MAN1A1: variants seen among roughly 807,000 people sequenced by gnomAD.
MAN1A1 encodes mannosyl-oligosaccharide 1,2-alpha-mannosidase IA.
A neutral mutation model predicts 70.8 loss-of-function variants in MAN1A1; 29 were observed. The observed-to-expected ratio is 0.41, with a 90% CI of 0.31 to 0.56. The LOEUF (loss-of-function observed/expected upper bound fraction) is 0.56. MAN1A1 is among the 20% of genes least tolerant of loss of function. The pLI is 0.29. For synonymous variants in MAN1A1, 349 were observed against 330.1 expected, an observed-to-expected ratio of 1.06 and a Z score of -0.62; for missense variants, 747 against 841.3, an observed-to-expected ratio of 0.89 and a Z score of 1.39.
At chr6:119,229,544 T>C (rs895643954) in intron 6 of MAN1A1, among the ~76,000 whole-genome samples, 2 of 152,234 alleles carry the variant, frequency 1.3e-5, no homozygotes, top group African/African-American at 4.8e-5. Context: ...CTTAAATATG[T>C]AGGTATATAT....
chr6:119,311,402 AG>A (rs1772696574), intron 2 of MAN1A1, among the ~76,000 whole-genome samples: 1 of 152,228 alleles, frequency 6.6e-6, no homozygotes, highest in African/African-American at 2.4e-5. Context: ...CAAAAGATGG[AG>A]GAAGAAAGGA....
chr6:119,275,601 C>G (rs954056569), intron 5 of MAN1A1, among the ~76,000 whole-genome samples: 1 of 151,396 alleles, frequency 6.6e-6, no homozygotes, highest in African/African-American at 2.4e-5. Context: ...CCACCGCGCC[C>G]GGCCTAATTT....
chr6:119,217,291 T>C (rs991770935), intron 6 of MAN1A1, among the ~76,000 whole-genome samples: 1 of 152,140 alleles, frequency 6.6e-6, no homozygotes, highest in Non-Finnish European at 1.5e-5. Flanking sequence ...TTTTGTTTTG[T>C]TTTGTTTTTT....
At chr6:119,274,438 T>C (rs944802407) in intron 5 of MAN1A1, among the ~76,000 whole-genome samples, 1 of 152,210 alleles carries the variant, frequency 6.6e-6, no homozygotes, top group Non-Finnish European at 1.5e-5. Context: ...AGCATACCAA[T>C]TGTATTGGTA....
intron 2 of MAN1A1, among the ~76,000 whole-genome samples, chr6:119,342,105 G>A (rs1168861479): frequency 6.6e-6 from 1 of 152,158 alleles, no homozygotes; most frequent in Non-Finnish European, 1.5e-5. Context: ...AGAAGCTGAA[G>A]ATGTATATGC....
chr6:119,347,216 T>C (rs188924908), intron 2 of MAN1A1, among the ~76,000 whole-genome samples: 133 of 152,272 alleles, frequency 8.7e-4, no homozygotes, highest in African/African-American at 3.1e-3. Flanking sequence ...GATCTTATAA[T>C]ACAAAGTCAC....
chr6:119,312,313 G>T (rs1772732407), intron 2 of MAN1A1, among the ~76,000 whole-genome samples: 1 of 152,186 alleles, frequency 6.6e-6, no homozygotes, highest in Admixed American at 6.5e-5. Flanking sequence ...TTACTTGGCT[G>T]TCATATAAAA....
At chr6:119,261,017 T>C (rs981885726) in intron 5 of MAN1A1, among the ~76,000 whole-genome samples, 2 of 135,974 alleles carry the variant, frequency 1.5e-5, no homozygotes, top group African/African-American at 5.5e-5. Context: ...CTCGCTCTGT[T>C]GCCCAGGCTG....
intron 2 of MAN1A1, among the ~76,000 whole-genome samples, chr6:119,333,274 A>G (rs1435603939): frequency 6.6e-6 from 1 of 152,246 alleles, no homozygotes; most frequent in African/African-American, 2.4e-5. Flanking sequence ...TCTAAAAGGT[A>G]GGAGTGAGTG....
intron 4 of MAN1A1, among the ~76,000 whole-genome samples, chr6:119,299,170 T>C (rs1582782436): frequency 1.3e-5 from 2 of 152,228 alleles, no homozygotes; most frequent in Middle Eastern, 3.4e-3. Flanking sequence ...CAAATTCTAA[T>C]GTGACATATT....
intron 2 of MAN1A1, among the ~76,000 whole-genome samples, chr6:119,341,132 T>A (rs1482907629): frequency 1.3e-5 from 2 of 152,248 alleles, no homozygotes; most frequent in Non-Finnish European, 2.9e-5. Flanking sequence ...TTAAATGCTC[T>A]TAAGCCTTAA....
chr6:119,348,565 CGG>C lies in MAN1A1; in HGVS notation c.499_500del (p.Pro167ValfsTer42). The C allele has an allele frequency of 6.2e-7, 1 of 1,613,750 alleles. No individual in the cohort carries two copies. Among genetic ancestry groups the C allele is most frequent in the East Asian group, 2.2e-5 (1 of 44,812 alleles). On this transcript the variant is annotated frameshift_variant, in exon 2 of 13. Coordinates refer to ENST00000368468, the MANE Select transcript of MAN1A1 (RefSeq NM_005907.4). LOFTEE classifies it high-confidence loss of function. The part of the protein sequence containing the change: ...VAQDQLRDKA[P>X]FRGLPPVDFV... ...AGTCCACCGGGGGCAGGCCTCTGAA[CGG>C]CGCCTTGTCACGCAGCTGGTCCTGG...
intron 2 of MAN1A1, among the ~76,000 whole-genome samples, chr6:119,317,196 C>T (rs995809952): frequency 3.9e-5 from 6 of 151,974 alleles, no homozygotes; most frequent in Non-Finnish European, 5.9e-5. Context: ...ACATTACGCA[C>T]GAGAATCGTA....
At chr6:119,231,858 T>G (rs1774686254) in intron 6 of MAN1A1, among the ~76,000 whole-genome samples, 1 of 152,246 alleles carries the variant, frequency 6.6e-6, no homozygotes, top group African/African-American at 2.4e-5. Flanking sequence ...TCAGGTTCTA[T>G]AATCCTAGCT....
rs548432519 is a variant in MAN1A1, at chr6:119,348,608, T to G, written c.458A>C (p.Glu153Ala). 1.4e-5 allele frequency: 22 copies of G among 1,613,822 alleles called. No individual in the cohort carries two copies. Among genetic ancestry groups the G allele is most frequent in the Non-Finnish European group, 1.6e-5 (19 of 1,179,930 alleles). ...PEEIQRDILLEKKKVAQDQLR... is the reference protein window; with the variant it reads ...PEEIQRDILLAKKKVAQDQLR... ...CTGGTCCTGGGCCACCTTCTTCTTC[T>G]CCAGTAGGATGTCTCTTTGGATCTC... The change falls in exon 2 of 13, where the codon GAG (glutamate) becomes GCG (alanine). Residue 153 changes from glutamate (E) to alanine (A), a missense_variant. Transcript: ENST00000368468.
chr6:119,318,842 G>A (rs533212247), intron 2 of MAN1A1, among the ~76,000 whole-genome samples: 3 of 152,146 alleles, frequency 2.0e-5, no homozygotes, highest in South Asian at 2.1e-4. Context: ...CATCCTACAC[G>A]GGTTCTTTCA....
At chr6:119,195,995 A>C (rs1192464426) in intron 8 of MAN1A1, among the ~76,000 whole-genome samples, 4 of 152,204 alleles carry the variant, frequency 2.6e-5, no homozygotes, top group Admixed American at 2.6e-4. Flanking sequence ...TGTAGGAGAC[A>C]CATGCAAGTG....
At position 119,180,425 on chromosome 6, in the gene MAN1A1, G is replaced by A; in HGVS notation, c.1722C>T (p.Ala574=). 1 of 1,561,414 alleles carries A rather than the reference G, an allele frequency of 6.4e-7. No individual in the cohort carries two copies. The highest frequency in any genetic ancestry group is 1.2e-5 in the South Asian group (1 of 86,624). The change falls in exon 12 of 13, where the codon GCC becomes GCT. Residue 574 remains alanine, a splice_region_variant and synonymous_variant. Transcript: ENST00000368468. The stretch of plus-strand genomic sequence containing the variant: ...CATTCACTCTGCAATGGTTTTCCAA[G>A]GCCTAAATTATAGAGGAGGAAAAAA... ...YRKWAWEAVE[A]LENHCRVNGG...
At chr6:119,255,878 TTA>T (rs1775443886) in intron 5 of MAN1A1, among the ~76,000 whole-genome samples, 1 of 152,204 alleles carries the variant, frequency 6.6e-6, no homozygotes. Flanking sequence ...TTAAAAAAAA[TTA>T]TGTGTTGTAT....
Sources: gnomAD v4.1 joint callset for allele counts (sites outside exome capture counted in the v4.1 genomes callset) on GRCh38, gnomAD v4.1.1 for gene constraint, MANE v1.5 for transcripts, NCBI Gene and HGNC (gene_info 2026-07-23, HGNC 2026-07-21) for gene names.